The following TENM1 variants were observed in gnomAD, a reference collection of about 807,000 sequenced individuals.
TENM1 encodes the protein teneurin transmembrane protein 1.
A neutral mutation model predicts 174.8 loss-of-function variants in TENM1; 35 were observed. The ratio of observed to expected loss-of-function variants is 0.20; its 90% CI spans 0.15 to 0.27. The LOEUF is 0.27. Ranked by LOEUF, TENM1 falls within the 10% of genes least tolerant of loss-of-function variation. TENM1 has a pLI of 1.00. For synonymous variants in TENM1, 781 were observed against 798.7 expected (o/e 0.98, Z 0.37); for missense variants, 1,633 against 2,130.1 (o/e 0.77, Z 4.59).
chrX:124,970,974 A>G, the TENM1 span, among the ~76,000 whole-genome samples: 1 of 109,598 alleles, frequency 9.1e-6, no homozygotes, highest in Non-Finnish European at 1.9e-5. Flanking sequence ...GGATGAGTTC[A>G]TGTCCTTTGT....
intron 11 of TENM1, among the ~76,000 whole-genome samples, chrX:124,585,780 A>C (rs760529623): frequency 1.8e-5 from 2 of 111,937 alleles, no homozygotes; most frequent in African/African-American, 6.5e-5. Context: ...CAAAACTGAT[A>C]GACCGCTAGC....
chrX:124,553,637 A>C (rs985877932), intron 14 of TENM1, among the ~76,000 whole-genome samples: 5 of 109,922 alleles, frequency 4.5e-5, no homozygotes, highest in Admixed American at 2.9e-4. Context: ...AAAAAAAAAA[A>C]AAAAAAACAA....
chrX:125,109,723 C>T, the TENM1 span, among the ~76,000 whole-genome samples: 4 of 111,706 alleles, frequency 3.6e-5, no homozygotes, highest in Non-Finnish European at 7.5e-5. Context: ...ACTAGCCTCC[C>T]GGCAAAATCA....
chrX:125,187,740 CTCTT>C, the TENM1 span, among the ~76,000 whole-genome samples: 1 of 111,241 alleles, frequency 9.0e-6, no homozygotes, highest in Non-Finnish European at 1.9e-5. Flanking sequence ...GTCTCTCTCT[CTCTT>C]TCTGTGTGTA....
chrX:124,632,735 GA>G (rs755716609), intron 11 of TENM1, among the ~76,000 whole-genome samples: 2 of 110,809 alleles, frequency 1.8e-5, no homozygotes, highest in African/African-American at 3.3e-5. Flanking sequence ...TGTATTTGGA[GA>G]AAAAAAATAA....
At chrX:124,874,320 T>C (rs1429638008) in intron 3 of TENM1, among the ~76,000 whole-genome samples, 3 of 111,383 alleles carry the variant, frequency 2.7e-5, no homozygotes, top group Admixed American at 9.5e-5. Flanking sequence ...ATGATAAAAT[T>C]TAGTTCAGTT....
chrX:125,088,861 C>T, the TENM1 span, among the ~76,000 whole-genome samples: 1 of 110,868 alleles, frequency 9.0e-6, no homozygotes, highest in African/African-American at 3.3e-5. Context: ...TTTGAAAAGT[C>T]GATGTCATAA....
chrX:125,148,358 G>C, the TENM1 span, among the ~76,000 whole-genome samples: 1 of 110,578 alleles, frequency 9.0e-6, no homozygotes, highest in Non-Finnish European at 1.9e-5. Flanking sequence ...TTACCCAACA[G>C]CACTGGTTTT....
chrX:125,120,868 T>C, the TENM1 span, among the ~76,000 whole-genome samples: 1 of 110,727 alleles, frequency 9.0e-6, no homozygotes, highest in Non-Finnish European at 1.9e-5. Flanking sequence ...AACAGGTCTC[T>C]TGCAAAGAGA....
chrX:125,108,115 C>T, the TENM1 span, among the ~76,000 whole-genome samples: 1 of 111,889 alleles, frequency 8.9e-6, no homozygotes. Flanking sequence ...AATTAGAAAC[C>T]TTAGAGTCAC....
chrX:124,552,266 T>C (rs1218507918), intron 14 of TENM1, among the ~76,000 whole-genome samples: 1 of 111,894 alleles, frequency 8.9e-6, no homozygotes, highest in Non-Finnish European at 1.9e-5. Flanking sequence ...CCATAAGCAA[T>C]GAACTAACTA....
chrX:124,422,318 G>T, exon 24 of TENM1: 1 of 1,211,235 alleles, frequency 8.3e-7, no homozygotes, highest in Non-Finnish European at 1.1e-6. Flanking sequence ...CACAGTCAGT[G>T]GGGGCACCAG....
intron 22 of TENM1, among the ~76,000 whole-genome samples, chrX:124,469,854 A>T (rs1475692208): frequency 8.9e-6 from 1 of 111,927 alleles, no homozygotes; most frequent in Admixed American, 9.6e-5. Context: ...ATGAAAGTGA[A>T]TTTACCAAAA....
At chrX:124,589,728 G>T (rs1327171439) in intron 11 of TENM1, among the ~76,000 whole-genome samples, 1 of 111,070 alleles carries the variant, frequency 9.0e-6, no homozygotes, top group African/African-American at 3.3e-5. Flanking sequence ...AGTCTCTGAG[G>T]ATCTTTTGTA....
At chrX:124,607,523 G>C (rs2050188033) in intron 11 of TENM1, among the ~76,000 whole-genome samples, 1 of 111,243 alleles carries the variant, frequency 9.0e-6, no homozygotes, top group South Asian at 3.8e-4. Flanking sequence ...AAAAAAGGAG[G>C]CCAGAATTCT....
intron 11 of TENM1, among the ~76,000 whole-genome samples, chrX:124,610,054 T>C (rs2050246910): frequency 8.9e-6 from 1 of 111,884 alleles, no homozygotes; most frequent in African/African-American, 3.2e-5. Context: ...TTTCTCACAA[T>C]AGCTCATAGT....
the TENM1 span, among the ~76,000 whole-genome samples, chrX:125,180,723 T>C: frequency 9.1e-6 from 1 of 110,210 alleles, no homozygotes; most frequent in African/African-American, 3.3e-5. Context: ...GAAATCCATC[T>C]ATATCTGTCT....
chrX:124,417,012 TC>T (rs2060601449), intron 25 of TENM1, among the ~76,000 whole-genome samples: 1 of 111,595 alleles, frequency 9.0e-6, no homozygotes, highest in Non-Finnish European at 1.9e-5. Flanking sequence ...ACCTTGAACT[TC>T]CCAACCTCCA....
At chrX:124,446,734 C>A (rs2147824648) in intron 23 of TENM1, among the ~76,000 whole-genome samples, 1 of 112,636 alleles carries the variant, frequency 8.9e-6, no homozygotes, top group South Asian at 3.7e-4. Flanking sequence ...GTGGAGACAC[C>A]TTTGTGGAGT....
Sources: allele counts gnomAD v4.1 joint callset (sites outside exome capture counted in the v4.1 genomes callset), GRCh38; gene constraint gnomAD v4.1.1; transcripts MANE v1.5; gene names NCBI Gene and HGNC (gene_info 2026-07-23, HGNC 2026-07-21).